Variants in HIBCH observed in about 807,000 individuals in gnomAD.
HIBCH encodes 3-hydroxyisobutyryl-CoA hydrolase, also known as 3-hydroxyisobutyryl-CoA hydrolase, mitochondrial.
Under a neutral mutation model 58.2 loss-of-function variants are expected in HIBCH, and 50 were observed. That is an observed-to-expected ratio of 0.86 (90% confidence interval 0.68 to 1.09). The LOEUF is 1.09. Ranked by LOEUF, HIBCH falls within the 50% of genes least tolerant of loss-of-function variation. HIBCH has a pLI of 0.00. For missense variants in HIBCH, 450 were observed against 449.7 expected, an observed-to-expected ratio of 1.00 and a Z score of -0.01; for synonymous variants, 151 against 146.9, an observed-to-expected ratio of 1.03 and a Z score of -0.20.
intron 7 of HIBCH, among the ~76,000 whole-genome samples, chr2:190,260,680 A>G (rs758696348): frequency 2.0e-5 from 3 of 152,210 alleles, no homozygotes; most frequent in African/African-American, 4.8e-5. Flanking sequence ...ATAGACAACT[A>G]TAACAAAGCT....
At chr2:190,312,142 T>C (rs1688575029) in intron 1 of HIBCH, among the ~76,000 whole-genome samples, 2 of 152,204 alleles carry the variant, frequency 1.3e-5, no homozygotes. Flanking sequence ...GAGAGAGGCA[T>C]GAGGAGGGCC....
At chr2:190,259,319 A>ATGTGTGTGTGTG (rs370172555) in intron 7 of HIBCH, among the ~76,000 whole-genome samples, 3,924 of 122,060 alleles carry the variant, frequency 0.032, 160 homozygotes, top group East Asian at 0.054. Flanking sequence ...CAGTATACAG[A>ATGTGTGTGTGTG]TGTGTGTGTG....
chr2:190,223,781 AAAAG>A, intron 11 of HIBCH, among the ~76,000 whole-genome samples: 1 of 152,230 alleles, frequency 6.6e-6, no homozygotes, highest in Non-Finnish European at 1.5e-5. Context: ...TCAATTGTTA[AAAAG>A]AGAACACAGA....
intron 11 of HIBCH, among the ~76,000 whole-genome samples, chr2:190,228,993 T>C (rs903856799): frequency 3.3e-5 from 5 of 152,252 alleles, no homozygotes; most frequent in East Asian, 1.9e-4. Flanking sequence ...TATCTAGACA[T>C]GGGAAATTTC....
At chr2:190,292,449 C>CGCA (rs1462368544) in intron 4 of HIBCH, among the ~76,000 whole-genome samples, 2 of 152,172 alleles carry the variant, frequency 1.3e-5, no homozygotes, top group African/African-American at 4.8e-5. Flanking sequence ...GGACTATAGG[C>CGCA]GCATGCCGCC....
At position 190,236,361 on chromosome 2, in the gene HIBCH, T is replaced by TTAAA. The variant is rs112469972; in HGVS notation, c.891+8525_891+8526insTTTA. The stretch of plus-strand genomic sequence containing the variant: ...GTGACAAAAGCTCTATTATACTCTG[T>TTAAA]TAGTTTTTAATTTTTTAAGCTAGTT... On this transcript the variant is annotated intron_variant, in intron 11 of 13. Transcript: ENST00000359678. The surrounding 1 kb of genome is among the most constrained non-coding windows in gnomAD (Gnocchi z 4.1). Among the ~76,000 whole-genome samples the TTAAA allele has an allele frequency of 0.31, 46,565 of 151,904 alleles. 8,102 individuals are homozygous for TTAAA. Among genetic ancestry groups the TTAAA allele is most frequent in the African/African-American group, 0.46 (18,830 of 41,332 alleles).
chr2:190,307,420 C>CTA (rs1162164408), intron 2 of HIBCH, among the ~76,000 whole-genome samples: 1 of 152,198 alleles, frequency 6.6e-6, no homozygotes, highest in Non-Finnish European at 1.5e-5. Context: ...ACCTATCATT[C>CTA]TAGCACATTG....
intron 4 of HIBCH, among the ~76,000 whole-genome samples, chr2:190,293,304 T>C (rs1325999560): frequency 6.6e-6 from 1 of 151,818 alleles, no homozygotes; most frequent in African/African-American, 2.4e-5. Context: ...ATACAAAAAA[T>C]TAGCAGGGCA....
chr2:190,203,471 C>A (rs1207138433), downstream of HIBCH: 2 of 165,594 alleles, frequency 1.2e-5, no homozygotes, highest in Non-Finnish European at 2.9e-5. Context: ...CAATAAAAGT[C>A]CAGTTGCAAT....
intron 1 of HIBCH, among the ~76,000 whole-genome samples, chr2:190,314,137 G>A (rs925751169): frequency 1.3e-5 from 2 of 151,544 alleles, no homozygotes; most frequent in Non-Finnish European, 2.9e-5. Flanking sequence ...AGAGAACTCA[G>A]GACTAACTCC....
At chr2:190,244,843 G>T in intron 11 of HIBCH, 44 bp downstream of exon 11, 1 of 1,241,704 alleles carries the variant, frequency 8.1e-7, no homozygotes, top group Non-Finnish European at 1.2e-6. Context: ...CCTGTCACCG[G>T]ACTTCACTAT....
rs1687929570 is a variant in HIBCH, at chr2:190,290,401, A to G, written c.385+4T>C. On this transcript the variant is annotated splice_donor_region_variant and intron_variant, in intron 5 of 13. Coordinates refer to ENST00000359678, the MANE Select transcript of HIBCH (RefSeq NM_014362.4). ...TTCCAAAGCTCTGAGCAGAATACAC[A>G]TACCAACAGCATTATTCAGCATATA... 2.5e-6 allele frequency: 4 copies of G among 1,588,056 alleles called. No individual in the cohort carries two copies. Among genetic ancestry groups the G allele is most frequent in the Non-Finnish European group, 3.5e-6 (4 of 1,156,506 alleles).
chr2:190,262,310 G>T (rs1361866812), intron 6 of HIBCH, among the ~76,000 whole-genome samples: 1 of 152,174 alleles, frequency 6.6e-6, no homozygotes, highest in African/African-American at 2.4e-5. Flanking sequence ...GCCCACACCT[G>T]CAGTCCAATT....
intron 2 of HIBCH, among the ~76,000 whole-genome samples, chr2:190,308,476 A>T (rs1464237438): frequency 6.6e-6 from 1 of 152,196 alleles, no homozygotes; most frequent in African/African-American, 2.4e-5. Flanking sequence ...TAACCCATTC[A>T]TAAATTAATG....
At chr2:190,314,278 A>T (rs865825227) in intron 1 of HIBCH, among the ~76,000 whole-genome samples, 1 of 87,710 alleles carries the variant, frequency 1.1e-5, no homozygotes, top group African/African-American at 3.9e-5. Context: ...CTACAAAAAA[A>T]ATATATATAT....
chr2:190,243,248 C>T lies in HIBCH; in HGVS notation c.891+1639G>A, dbSNP rs1215052028. The stretch of plus-strand genomic sequence containing the variant: ...TGTAAAGGAGAGACTGGCCTAGCCT[C>T]CCAGCCTGTATCTTTCTCCCATGCT... On this transcript the variant is annotated intron_variant, in intron 11 of 13. Coordinates refer to ENST00000359678, the MANE Select transcript of HIBCH (RefSeq NM_014362.4). The surrounding 1 kb of genome is among the most constrained non-coding windows in gnomAD (Gnocchi z 4.1). Among the ~76,000 whole-genome samples, 1 of 152,136 alleles carries T rather than the reference C, an allele frequency of 6.6e-6. No homozygotes were observed. Among genetic ancestry groups the T allele is most frequent in the African/African-American group, 2.4e-5 (1 of 41,434 alleles).
At chr2:190,282,262 C>G (rs956889401) in intron 6 of HIBCH, among the ~76,000 whole-genome samples, 1 of 152,172 alleles carries the variant, frequency 6.6e-6, no homozygotes, top group Admixed American at 6.5e-5. Flanking sequence ...ACAGGATACA[C>G]AGACTAGGTA....
At chr2:190,202,804 T>C (rs1690287186), downstream of HIBCH, 1 of 167,048 alleles carries the variant, frequency 6.0e-6, no homozygotes, top group Non-Finnish European at 1.5e-5. Context: ...AGAAAATAAA[T>C]GTGCAAATTC....
chr2:190,226,691 C>T (rs1685910778), intron 11 of HIBCH, among the ~76,000 whole-genome samples: 2 of 151,806 alleles, frequency 1.3e-5, no homozygotes, highest in African/African-American at 4.8e-5. Flanking sequence ...ATCATCTCAG[C>T]CCCAAATCTC....
Sources: allele counts gnomAD v4.1 joint callset (sites outside exome capture counted in the v4.1 genomes callset), GRCh38; gene constraint gnomAD v4.1.1; non-coding constraint Gnocchi (gnomAD v3.1); transcripts MANE v1.5; gene names NCBI Gene and HGNC (gene_info 2026-07-23, HGNC 2026-07-21).